FUT8: variants seen among roughly 807,000 people sequenced by gnomAD.
FUT8 encodes the protein fucosyltransferase 8, also known as alpha-(1,6)-fucosyltransferase.
Under a neutral mutation model 71.3 loss-of-function variants are expected in FUT8, and 29 were observed. The ratio of observed to expected loss-of-function variants is 0.41; its 90% confidence interval spans 0.30 to 0.55. The LOEUF (loss-of-function observed/expected upper bound fraction) is 0.55. Ranked by LOEUF, FUT8 falls within the 20% of genes least tolerant of loss-of-function variation. The probability of loss-of-function intolerance (pLI) is 0.34; values close to 1 mark genes in which losing one functional copy is unlikely to be tolerated. For missense variants in FUT8, 544 were observed against 702.1 expected (o/e 0.77, Z 2.55); for synonymous variants, 254 against 239.3 (o/e 1.06, Z -0.57).
At chr14:65,436,136 G>A (rs561061926) in intron 1 of FUT8, among the ~76,000 whole-genome samples, 110 of 151,786 alleles carry the variant, frequency 7.2e-4, no homozygotes, top group African/African-American at 2.6e-3. Context: ...TCACTGTGTT[G>A]CCCAGGCTGT....
chr14:65,691,041 A>C (rs1279153511), intron 7 of FUT8, among the ~76,000 whole-genome samples: 1 of 151,306 alleles, frequency 6.6e-6, no homozygotes, highest in Non-Finnish European at 1.5e-5. Context: ...TGACTTTTGT[A>C]TATCAACCTT....
chr14:65,613,675 T>G (rs1889126170), intron 3 of FUT8, among the ~76,000 whole-genome samples: 1 of 152,224 alleles, frequency 6.6e-6, no homozygotes. Flanking sequence ...CTCCAATTAC[T>G]TTGGTATAGC....
rs1594805979 is a variant in FUT8, at chr14:65,602,338, A to G, written c.204-13640A>G. On this transcript the variant is annotated intron_variant, in intron 3 of 10. Transcript: ENST00000673929. ...CATTTTCATGGCCGAGTAGCGTTCC[A>G]TCTCTCACACACACACACACACACA... is the stretch of plus-strand genomic sequence containing the variant. Among the ~76,000 whole-genome samples, 3 of 23,578 alleles carry G rather than the reference A, an allele frequency of 1.3e-4. No homozygotes were observed. In the East Asian group the frequency reaches 6.6e-3, roughly 52 times the overall value. The allele number at this position is 23,578 out of a possible 152,430, so 15.5% of individuals were successfully genotyped here.
rs146586301 is a variant in FUT8 at position 65,566,647 on chromosome 14, A to G, written c.203+4881A>G. Among the ~76,000 whole-genome samples the G allele has an allele frequency of 1.0e-3, 156 of 152,060 alleles. 4 individuals are homozygous for G. The highest frequency in any genetic ancestry group is 1.5e-3 in the East Asian group (8 of 5,186). On this transcript the variant is annotated intron_variant, in intron 3 of 10. Transcript: ENST00000673929. ...TGGGAAACTCTTAAAGTATTAATCT[A>G]GATAAGAGGTAATGCAACTTACACT... is the stretch of plus-strand genomic sequence containing the variant.
intron 3 of FUT8, among the ~76,000 whole-genome samples, chr14:65,602,463 T>C (rs1253410355): frequency 6.7e-6 from 1 of 149,896 alleles, no homozygotes; most frequent in Non-Finnish European, 1.5e-5. Flanking sequence ...CAATTGCGAA[T>C]TGTGCTGCTA....
chr14:65,553,029 C>CT (rs1391816183), intron 2 of FUT8, among the ~76,000 whole-genome samples: 46 of 152,240 alleles, frequency 3.0e-4, no homozygotes, highest in African/African-American at 8.4e-4. Context: ...GATCACGGCT[C>CT]TCTGCAGCCT....
chr14:65,616,548 C>T (rs1889296135), intron 5 of FUT8, among the ~76,000 whole-genome samples, 175 bp downstream of exon 5: 1 of 152,160 alleles, frequency 6.6e-6, no homozygotes, highest in African/African-American at 2.4e-5. Flanking sequence ...TGCAGTTCAT[C>T]AACCAAAATA....
the FUT8 span, among the ~76,000 whole-genome samples, chr14:65,365,328 CCTCTCTCTCTCTCTCTCT>C: frequency 2.9e-5 from 4 of 139,072 alleles, no homozygotes; most frequent in African/African-American, 5.4e-5. Flanking sequence ...ATAAATTCTT[CCTCTCTCTCTCTCTCTCT>C]CTCTCTCTCT....
intron 7 of FUT8, among the ~76,000 whole-genome samples, chr14:65,715,024 C>T (rs1460282522): frequency 6.6e-6 from 1 of 152,118 alleles, no homozygotes; most frequent in Admixed American, 6.5e-5. Flanking sequence ...CATGTGCAAA[C>T]AACAAGAATT....
chr14:65,517,799 G>C lies in FUT8; in HGVS notation c.-227-43538G>C, dbSNP rs186590491. 6.3e-3 allele frequency among the ~76,000 whole-genome samples: 956 copies of C among 152,190 alleles called. 5 individuals carry two copies. The highest frequency in any genetic ancestry group is 0.02 in the Middle Eastern group (6 of 294). On this transcript the variant is annotated intron_variant, in intron 2 of 10. Transcript: ENST00000673929. ...ATACATTTCTTATGTATGTAAACTG[G>C]CTTAAGTGTAAACAAGGTAAAAGTC...
intron 6 of FUT8, among the ~76,000 whole-genome samples, chr14:65,662,888 T>A (rs1566882135): frequency 6.6e-6 from 1 of 152,212 alleles, no homozygotes; most frequent in South Asian, 2.1e-4. Context: ...CATTAGAGAA[T>A]GTTGTCTTAA....
intron 3 of FUT8, among the ~76,000 whole-genome samples, chr14:65,610,428 T>A (rs1360669144): frequency 6.6e-6 from 1 of 151,698 alleles, no homozygotes; most frequent in African/African-American, 2.4e-5. Flanking sequence ...TCGCTCTTGT[T>A]GCCCTGGCTG....
chr14:65,595,688 A>G (rs1887936311), intron 3 of FUT8, among the ~76,000 whole-genome samples: 1 of 137,464 alleles, frequency 7.3e-6, no homozygotes, highest in Non-Finnish European at 1.5e-5. Context: ...GGCTCACTGC[A>G]AGCTCCGCCT....
Position 65,603,043 on chromosome 14 carries a change from A to C in FUT8, c.204-12935A>C, listed in dbSNP as rs1023650379. ...TTTGTTTTTGTTACGTTTGCTTTTG[A>C]AGTCTTCGCCTAAGCCAATGTCTAG... On this transcript the variant is annotated intron_variant, in intron 3 of 10. Transcript: ENST00000673929. The surrounding 1 kb of genome is among the most constrained non-coding windows in gnomAD (Gnocchi z 4.5). Among the ~76,000 whole-genome samples the C allele has an allele frequency of 1.3e-5, 2 of 151,794 alleles. No individual in the cohort carries two copies. The highest frequency in any genetic ancestry group is 2.4e-5 in the African/African-American group (1 of 41,386).
At chr14:65,699,649 G>T (rs1894184317) in intron 7 of FUT8, among the ~76,000 whole-genome samples, 1 of 152,130 alleles carries the variant, frequency 6.6e-6, no homozygotes, top group African/African-American at 2.4e-5. Context: ...AAGAATTGCA[G>T]ATTTCTCATT....
intron 2 of FUT8, among the ~76,000 whole-genome samples, chr14:65,506,433 T>C (rs957357876): frequency 8.5e-5 from 13 of 152,240 alleles, no homozygotes; most frequent in African/African-American, 2.7e-4. Context: ...TAGCAGATGT[T>C]GGGGATTGGC....
chr14:65,556,953 C>G (rs1355681160), intron 2 of FUT8, among the ~76,000 whole-genome samples: 1 of 152,174 alleles, frequency 6.6e-6, no homozygotes, highest in African/African-American at 2.4e-5. Flanking sequence ...AGAACTGAGA[C>G]TCCAGTCTAG....
the FUT8 span, among the ~76,000 whole-genome samples, chr14:65,399,039 C>T: frequency 1.3e-5 from 2 of 152,150 alleles, no homozygotes; most frequent in South Asian, 2.1e-4. Flanking sequence ...ATTTTTTGAG[C>T]CGGGAACGGT....
intron 6 of FUT8, among the ~76,000 whole-genome samples, chr14:65,633,763 G>T (rs1433754895): frequency 6.6e-6 from 1 of 152,070 alleles, no homozygotes; most frequent in Non-Finnish European, 1.5e-5. Flanking sequence ...CGTCTGAGAA[G>T]TGAGGAGCCC....
Sources: allele counts gnomAD v4.1 joint callset (sites outside exome capture counted in the v4.1 genomes callset), GRCh38; gene constraint gnomAD v4.1.1; non-coding constraint Gnocchi (gnomAD v3.1); transcripts MANE v1.5; gene names NCBI Gene and HGNC (gene_info 2026-07-23, HGNC 2026-07-21).